FGF13: variants seen among roughly 807,000 people sequenced by gnomAD.
FGF13 encodes the protein fibroblast growth factor homologous factor 2.
In FGF13, 2 loss-of-function variants were observed where a neutral mutation model predicts 19.5. That is an observed-to-expected ratio of 0.10 (90% CI 0.04 to 0.32). The LOEUF is 0.32. FGF13 is among the 10% of genes least tolerant of loss of function. The pLI, the probability that FGF13 is intolerant of heterozygous loss-of-function variation, is 1.00. For synonymous variants in FGF13, 72 were observed against 76.9 expected (o/e 0.94, Z 0.33); for missense variants, 113 against 192.7 (o/e 0.59, Z 2.45).
At chrX:139,033,089 AT>A (rs1223947408) in intron 1 of FGF13, among the ~76,000 whole-genome samples, 4 of 101,714 alleles carry the variant, frequency 3.9e-5, no homozygotes, top group Admixed American at 1.1e-4. Context: ...ATTTGGAGAG[AT>A]TTTTTGGCTC....
intron 1 of FGF13, among the ~76,000 whole-genome samples, chrX:139,100,780 C>T (rs745447756): frequency 3.9e-4 from 43 of 111,330 alleles, no homozygotes; most frequent in Non-Finnish European, 7.5e-5. Flanking sequence ...CCCAGGGCCT[C>T]GGTTCACGGA....
In FGF13 at chrX:139,005,203, C is replaced by CAT; in HGVS notation, c.-112-140554_-112-140553insAT. Among the ~76,000 whole-genome samples the CAT allele has an allele frequency of 3.7e-4, 24 of 64,308 alleles. 2 individuals carry two copies. Among genetic ancestry groups the CAT allele is most frequent in the Non-Finnish European group, 5.5e-4 (16 of 29,011 alleles). The allele number at this position is 64,308 out of a possible 115,157, so 55.8% of individuals were successfully genotyped here. ...GTTGCTTGTGTCACTGCCCCCCCCC[C>CAT]CCCCCCAGCTCCAGGTGGTACAGAA... On this transcript the variant is annotated intron_variant, in intron 1 of 2. Coordinates refer to the FGF13 transcript ENST00000421460.
intron 1 of FGF13, among the ~76,000 whole-genome samples, chrX:138,988,690 A>C (rs1275126414): frequency 8.9e-6 from 1 of 112,167 alleles, no homozygotes; most frequent in Non-Finnish European, 1.9e-5. Context: ...AACATCATTT[A>C]CTACTTAGGT....
At chrX:138,934,783 C>T (rs1019211145) in intron 1 of FGF13, among the ~76,000 whole-genome samples, 2 of 111,993 alleles carry the variant, frequency 1.8e-5, no homozygotes, top group Non-Finnish European at 3.8e-5. Context: ...AGCATTTTGA[C>T]ATTTGACTCA....
chrX:139,066,157 G>T (rs935762436), intron 1 of FGF13, among the ~76,000 whole-genome samples: 11 of 111,479 alleles, frequency 9.9e-5, no homozygotes, highest in African/African-American at 3.3e-4. Context: ...AGAATCTCTG[G>T]GACACATTTA....
At chrX:138,727,798 A>T (rs1443886094) in intron 1 of FGF13, among the ~76,000 whole-genome samples, 1 of 111,852 alleles carries the variant, frequency 8.9e-6, no homozygotes, top group Non-Finnish European at 1.9e-5. Context: ...GAACATGAAC[A>T]ATAAAGAGAT....
chrX:139,096,473 G>A (rs995837317), intron 1 of FGF13, among the ~76,000 whole-genome samples: 2 of 111,892 alleles, frequency 1.8e-5, no homozygotes, highest in Non-Finnish European at 3.8e-5. Context: ...TTGTGTGGCT[G>A]GAACTCAAAA....
chrX:139,139,609 A>T (rs182972024), intron 1 of FGF13, among the ~76,000 whole-genome samples: 2 of 112,441 alleles, frequency 1.8e-5, no homozygotes, highest in Non-Finnish European at 3.8e-5. Context: ...TCTTAAAATG[A>T]TTCAAATATA....
intron 1 of FGF13, among the ~76,000 whole-genome samples, chrX:139,154,383 T>TTGAC (rs1206883660): frequency 2.7e-5 from 3 of 111,730 alleles, no homozygotes; most frequent in African/African-American, 9.8e-5. Flanking sequence ...AAGCGATGGA[T>TTGAC]TGACCAACTC....
Position 138,953,631 on chromosome X carries a change from C to T in FGF13, c.-112-88981G>A, listed in dbSNP as rs142820973. On this transcript the variant is annotated intron_variant, in intron 1 of 2. Transcript: ENST00000421460. The stretch of plus-strand genomic sequence containing the variant: ...AAAAATACCTGAAAACAAACAACCA[C>T]GGCAACTTTATATATAATAGCCAAA... Among the ~76,000 whole-genome samples the T allele has an allele frequency of 9.7e-4, 108 of 111,510 alleles. 1 individual carries two copies. In the East Asian group the frequency reaches 0.018, roughly 19 times the overall value.
intron 1 of FGF13, among the ~76,000 whole-genome samples, chrX:138,970,478 G>C: frequency 9.0e-6 from 1 of 111,321 alleles, no homozygotes. Flanking sequence ...CACTCTGTTT[G>C]GAGATTGGTA....
At chrX:138,774,623 G>A (rs962003471) in intron 3 of FGF13, among the ~76,000 whole-genome samples, 1 of 111,359 alleles carries the variant, frequency 9.0e-6, no homozygotes, top group African/African-American at 3.3e-5. Context: ...ACTCCACACT[G>A]TTGGCACTTA....
intron 3 of FGF13, among the ~76,000 whole-genome samples, chrX:138,659,194 G>T (rs1157490677): frequency 8.9e-6 from 1 of 111,919 alleles, no homozygotes; most frequent in Non-Finnish European, 1.9e-5. Context: ...GTAAGGCTAG[G>T]TGCAGTGGTG....
rs2088977757 is a variant in FGF13 at position 138,617,332 on chromosome X, AAAT to A, written c.*15515_*15517del. The A allele has an allele frequency of 8.9e-6, 1 of 111,913 alleles. No homozygotes were observed. The allele number at this position is 111,913 out of a possible 1,213,427, so 9.2% of individuals were successfully genotyped here. A position where few individuals can be genotyped will look rare whatever the true frequency, so the allele number is the denominator to read the frequency against. On this transcript the variant is annotated 3_prime_UTR_variant, in exon 5 of 5. Coordinates refer to ENST00000315930, the MANE Select transcript of FGF13 (RefSeq NM_004114.5). ...CTGTAACTTATTTTGAAATGCAAAA[AAAT>A]AATTATTTTATAGATAAGAGCATTA...
At chrX:139,073,678 G>A (rs2092383931) in intron 1 of FGF13, among the ~76,000 whole-genome samples, 1 of 111,623 alleles carries the variant, frequency 9.0e-6, no homozygotes, top group South Asian at 3.8e-4. Context: ...CTTGCCCAGA[G>A]AACATGTACC....
intron 1 of FGF13, among the ~76,000 whole-genome samples, chrX:138,972,749 G>A (rs2049134038): frequency 1.8e-5 from 2 of 111,087 alleles, no homozygotes; most frequent in East Asian, 2.8e-4. Flanking sequence ...TTGCATTTAC[G>A]TGATGATTAG....
At chrX:139,184,132 T>C (rs4829963) in intron 1 of FGF13, among the ~76,000 whole-genome samples, 49,191 of 110,989 alleles carry the variant, frequency 0.44, 8,945 homozygotes, top group African/African-American at 0.69. Context: ...CCAAAGCAGG[T>C]ATATCCATGG....
At chrX:139,057,540 C>G (rs1308009459) in intron 1 of FGF13, among the ~76,000 whole-genome samples, 1 of 111,737 alleles carries the variant, frequency 8.9e-6, no homozygotes, top group East Asian at 2.8e-4. Context: ...AAAACGTGTA[C>G]CCAAAATAAT....
At chrX:139,173,812 T>C (rs1434785006) in intron 1 of FGF13, among the ~76,000 whole-genome samples, 1 of 112,150 alleles carries the variant, frequency 8.9e-6, no homozygotes, top group Admixed American at 9.5e-5. Context: ...TTGATGGGCA[T>C]TTGGGTTGGT....
Sources: gnomAD v4.1 joint callset for allele counts (sites outside exome capture counted in the v4.1 genomes callset) on GRCh38, gnomAD v4.1.1 for gene constraint, MANE v1.5 for transcripts, NCBI Gene and HGNC (gene_info 2026-07-23, HGNC 2026-07-21) for gene names.